ZNF84: variants seen among roughly 807,000 people sequenced by gnomAD.
ZNF84 encodes zinc finger protein 84.
Under a neutral mutation model 14.8 loss-of-function variants are expected in ZNF84, and 12 were observed. That is an observed-to-expected ratio of 0.81 (90% CI 0.52 to 1.31). ZNF84 has a LOEUF of 1.31. Ranked by LOEUF, ZNF84 falls within the 50% of genes most tolerant of loss-of-function variation. The pLI is 0.00. For missense variants in ZNF84, 859 were observed against 878.6 expected (o/e 0.98, Z 0.28); for synonymous variants, 347 against 291.1 (o/e 1.19, Z -1.96).
rs371177487 is a variant in ZNF84, at chr12:133,044,749, A to G, written c.16-3206A>G. ...GCCAACATGGTGAAAGCCCATCTCT[A>G]TAATAATACAAAAAATTAGCCGGGC... On this transcript the variant is annotated intron_variant, in intron 2 of 4. Transcript: ENST00000539354. 8.6e-5 allele frequency among the ~76,000 whole-genome samples: 13 copies of G among 151,910 alleles called. No homozygotes were observed. In the East Asian group the frequency reaches 1.6e-3, roughly 18 times the overall value.
chr12:133,041,878 T>G (rs1953894586), intron 2 of ZNF84, among the ~76,000 whole-genome samples: 1 of 152,362 alleles, frequency 6.6e-6, no homozygotes, highest in Admixed American at 6.5e-5. Context: ...TGATGAAGTC[T>G]TATGAATGAG....
intron 4 of ZNF84, 48 bp from the exon 5 acceptor site, chr12:133,056,906 T>C (rs945453124): frequency 6.7e-7 from 1 of 1,490,572 alleles, no homozygotes; most frequent in Non-Finnish European, 9.0e-7. Context: ...TGTTTTGTTT[T>C]GTTTTTAGAA....
rs1954251308 is a variant in ZNF84, at chr12:133,060,889, A to C, written c.*1957A>C. The C allele has an allele frequency of 6.6e-6, 1 of 152,186 alleles. No homozygotes were observed. The highest frequency in any genetic ancestry group is 2.1e-4 in the South Asian group (1 of 4,834). The allele number at this position is 152,186 out of a possible 1,614,324, so 9.4% of individuals were successfully genotyped here. ...GTTAATATTTTTTGTATGCTGATGAAATTTAGAAAAGTCCAATATTGAGCT... is the reference window on the plus strand; with the variant it reads ...GTTAATATTTTTTGTATGCTGATGACATTTAGAAAAGTCCAATATTGAGCT... On this transcript the variant is annotated 3_prime_UTR_variant, in exon 5 of 5. Coordinates refer to ENST00000539354, the MANE Select transcript of ZNF84 (RefSeq NM_001289971.2).
At chr12:133,039,719 A>C (rs888288177) in intron 1 of ZNF84, among the ~76,000 whole-genome samples, 17 of 152,306 alleles carry the variant, frequency 1.1e-4, no homozygotes, top group Middle Eastern at 3.4e-3. Context: ...TGTGAGGTCC[A>C]CTTTATCTTC....
Position 133,057,530 on chromosome 12 carries a change from T to C in ZNF84, c.815T>C (p.Phe272Ser), listed in dbSNP as rs1249627720. The change falls in exon 5 of 5, where the codon TTC becomes TCC. Residue 272 changes from phenylalanine to serine, a missense_variant. By Grantham distance (155) the Phe-to-Ser change is radical. Transcript: ENST00000539354. ...PYNCSQCGKA[F>S]SQKSQLTSHQ... ...AATTGTAGCCAGTGTGGGAAAGCCT[T>C]CTCCCAAAAGTCACAGCTCACATCC... is the stretch of plus-strand genomic sequence containing the variant. The C allele has an allele frequency of 1.2e-6, 2 of 1,613,994 alleles. No individual in the cohort carries two copies. The highest frequency in any genetic ancestry group is 1.1e-5 in the South Asian group (1 of 91,086).
In ZNF84 at chr12:133,048,804, A is replaced by G; in HGVS notation, c.194A>G (p.Glu65Gly). 2 of 1,613,846 alleles carry G rather than the reference A, an allele frequency of 1.2e-6. No homozygotes were observed. The highest frequency in any genetic ancestry group is 1.7e-6 in the Non-Finnish European group (2 of 1,179,898). The change falls in exon 4 of 5, where the codon GAG becomes GGG. Residue 65 changes from glutamate (E) to glycine (G), a missense_variant. Coordinates refer to ENST00000539354, the MANE Select transcript of ZNF84 (RefSeq NM_001289971.2). ...ATCTTCAAATTGGAGCAAGGAGAAG[A>G]GCCGTGGGTAGGAGATGGAGAAATT... is the stretch of plus-strand genomic sequence containing the variant. ...DVIFKLEQGE[E>G]PWVGDGEIPS...
chr12:133,048,878 G>C, intron 4 of ZNF84, 30 bp downstream of exon 4: 1 of 1,568,652 alleles, frequency 6.4e-7, no homozygotes, highest in Non-Finnish European at 8.8e-7. Context: ...GCAGATGGGA[G>C]AGAGCAGAAG....
At position 133,048,075 on chromosome 12, in the gene ZNF84, T is replaced by TCAC. The variant is rs1954013508; in HGVS notation, c.137_139dup (p.Ser46_Leu47insPro). ...GTTGGAGAACTATAGCAGCCTAGTGTCACTGGGTAATAAAAGCTTTCTTGA... is the reference window on the plus strand; with the variant it reads ...GTTGGAGAACTATAGCAGCCTAGTGTCACCACTGGGTAATAAAAGCTTTCTTGA... On this transcript the variant is annotated inframe_insertion, in exon 3 of 5. Transcript: ENST00000539354. 1.9e-6 allele frequency: 3 copies of TCAC among 1,613,396 alleles called. No homozygotes were observed. The African/African-American group carries it at 4.0e-5, about 22-fold the overall frequency.
In ZNF84 at chr12:133,057,834, A is replaced by G. The variant is rs1954188453; in HGVS notation, c.1119A>G (p.Lys373=). ...VTHHRTHTGT[K]PFGCSDCRKA... is the part of the protein sequence containing the mutation. ...ATCACAGAACTCACACAGGAACAAA[A>G]CCCTTTGGATGTAGTGATTGTAGAA... is the stretch of plus-strand genomic sequence containing the variant. Residue 373 remains lysine, a synonymous_variant, in exon 5 of 5, where the codon AAA becomes AAG. Coordinates refer to ENST00000539354, the MANE Select transcript of ZNF84 (RefSeq NM_001289971.2). The G allele has an allele frequency of 6.2e-7, 1 of 1,613,384 alleles. No homozygotes were observed. Among genetic ancestry groups the G allele is most frequent in the African/African-American group, 1.3e-5 (1 of 74,848 alleles).
Position 133,058,401 on chromosome 12 carries a change from G to A in ZNF84, c.1686G>A (p.Gln562=). The change falls in exon 5 of 5, where the codon CAG becomes CAA. Residue 562 remains glutamine (Q), a synonymous_variant. Transcript: ENST00000539354. ...AGAAGTCAAGTCTTGCAACTCATCAGAGAACTCATACTGGAGAAAAACCGT... is the reference window on the plus strand; with the variant it reads ...AGAAGTCAAGTCTTGCAACTCATCAAAGAACTCATACTGGAGAAAAACCGT... ...FGEKSSLATH[Q]RTHTGEKPYE... 6.2e-7 allele frequency: 1 copy of A among 1,614,108 alleles called. No homozygotes were observed. Among genetic ancestry groups the A allele is most frequent in the South Asian group, 1.1e-5 (1 of 91,084 alleles).
Position 133,058,749 on chromosome 12 carries a change from G to C in ZNF84, c.2034G>C (p.Thr678=), listed in dbSNP as rs1210773900. The change falls in exon 5 of 5, where the codon ACG becomes ACC. Residue 678 remains threonine, a synonymous_variant. Transcript: ENST00000539354. ...TTATACCACATCAAAGGACACATAC[G>C]GGTGAGAAACCCTATGGATGCAGTG... is the stretch of plus-strand genomic sequence containing the variant. ...SHLIPHQRTH[T]GEKPYGCSEC... 8.1e-6 allele frequency: 13 copies of C among 1,610,740 alleles called. 1 individual carries two copies. The highest frequency in any genetic ancestry group is 1.1e-5 in the Non-Finnish European group (13 of 1,178,924).
At chr12:133,053,783 T>C (rs1178654214) in intron 4 of ZNF84, among the ~76,000 whole-genome samples, 1 of 152,106 alleles carries the variant, frequency 6.6e-6, no homozygotes, top group African/African-American at 2.4e-5. Flanking sequence ...GTCTTGATTT[T>C]AACCCTCATA....
Position 133,041,369 on chromosome 12 carries a change from C to G in ZNF84, c.-99C>G, listed in dbSNP as rs1003207061. The G allele has an allele frequency of 5.2e-5, 62 of 1,187,216 alleles. No homozygotes were observed. The Middle Eastern group carries it at 5.8e-4, about 11-fold the overall frequency. 73.5% of individuals were successfully genotyped at this position (1,187,216 alleles called of 1,614,324 possible). On this transcript the variant is annotated 5_prime_UTR_variant, in exon 2 of 5. Coordinates refer to ENST00000539354, the MANE Select transcript of ZNF84 (RefSeq NM_001289971.2). ...GGAATTCATTCTCAGTGTAGAAGAC[C>G]TAGCTGAGACCTCACTCCACAGTTT...
Position 133,060,379 on chromosome 12 carries a change from G to A in ZNF84, c.*1447G>A, listed in dbSNP as rs1206969241. The A allele has an allele frequency of 3.3e-5, 5 of 152,150 alleles. No individual in the cohort carries two copies. The highest frequency in any genetic ancestry group is 7.4e-5 in the Non-Finnish European group (5 of 68,014). 9.4% of individuals were successfully genotyped at this position (152,150 alleles called of 1,614,324 possible). A position where few individuals can be genotyped will look rare whatever the true frequency, so the allele number is the denominator to read the frequency against. ...CTTCTAGCAAATTTCTGTGGTCCCT[G>A]GAAAAGTACAGATGATCCTGGACTT... On this transcript the variant is annotated 3_prime_UTR_variant, in exon 5 of 5. Coordinates refer to ENST00000539354, the MANE Select transcript of ZNF84 (RefSeq NM_001289971.2).
In ZNF84 at chr12:133,041,356, C is replaced by G; in HGVS notation, c.-112C>G. 1.0e-6 allele frequency: 1 copy of G among 994,836 alleles called. No individual in the cohort carries two copies. Among genetic ancestry groups the G allele is most frequent in the Non-Finnish European group, 1.6e-6 (1 of 636,314 alleles). The allele number at this position is 994,836 out of a possible 1,614,324, so 61.6% of individuals were successfully genotyped here. On this transcript the variant is annotated 5_prime_UTR_variant, in exon 2 of 5. Transcript: ENST00000539354. ...GTTCCTGGAACCAGGAATTCATTCT[C>G]AGTGTAGAAGACCTAGCTGAGACCT...
In ZNF84 at chr12:133,062,517, G is replaced by A. The variant is rs1954281782; in HGVS notation, c.*3585G>A. 1 of 157,278 alleles carries A rather than the reference G, an allele frequency of 6.4e-6. No individual in the cohort carries two copies. The allele number at this position is 157,278 out of a possible 1,614,324, so 9.7% of individuals were successfully genotyped here. ...TCAGAGGTCTTATTAGTCTATACAG[G>A]TACCAATGAGCTTTCAGATGTTCAA... On this transcript the variant is annotated 3_prime_UTR_variant, in exon 5 of 5. Transcript: ENST00000539354.
chr12:133,038,098 TTCAC>T (rs1421933500), intron 1 of ZNF84: 1 of 152,224 alleles, frequency 6.6e-6, no homozygotes, highest in Non-Finnish European at 1.5e-5. Context: ...CATATATTCA[TTCAC>T]CTGTGGTTTT....
At chr12:133,040,132 G>A (rs1220709321) in intron 1 of ZNF84, among the ~76,000 whole-genome samples, 1 of 151,908 alleles carries the variant, frequency 6.6e-6, no homozygotes, top group African/African-American at 2.4e-5. Context: ...GTAAGCCATC[G>A]CTCCTGGCCA....
chr12:133,041,293 C>T lies in ZNF84; in HGVS notation c.-175C>T. Reference sequence around the variant, plus strand: ...TCTCCCGAAGTCCACAGATCCTGGTCCCTACAAATAAGCCTGCTCATGTGA... The same window carrying T: ...TCTCCCGAAGTCCACAGATCCTGGTTCCTACAAATAAGCCTGCTCATGTGA... On this transcript the variant is annotated 5_prime_UTR_variant, in exon 2 of 5. Coordinates refer to ENST00000539354, the MANE Select transcript of ZNF84 (RefSeq NM_001289971.2). The T allele has an allele frequency of 3.2e-6, 2 of 629,990 alleles. No homozygotes were observed. Among genetic ancestry groups the T allele is most frequent in the Non-Finnish European group, 5.7e-6 (2 of 353,590 alleles). 39.0% of individuals were successfully genotyped at this position (629,990 alleles called of 1,614,324 possible).
Sources: allele counts gnomAD v4.1 joint callset (sites outside exome capture counted in the v4.1 genomes callset), GRCh38; gene constraint gnomAD v4.1.1; transcripts MANE v1.5; gene names NCBI Gene and HGNC (gene_info 2026-07-23, HGNC 2026-07-21).